ERBB4: variants seen among roughly 807,000 people sequenced by gnomAD.
The protein encoded by ERBB4 is erb-b2 receptor tyrosine kinase 4.
A neutral mutation model predicts 158.0 loss-of-function variants in ERBB4; 42 were observed. The ratio of observed to expected loss-of-function variants is 0.27; its 90% CI spans 0.21 to 0.34. The LOEUF is 0.34. ERBB4 is among the 10% of genes least tolerant of loss of function. ERBB4 has a pLI of 1.00. For synonymous variants in ERBB4, 583 were observed against 558.7 expected, an observed-to-expected ratio of 1.04 and a Z score of -0.61; for missense variants, 1,333 against 1,624.1, an observed-to-expected ratio of 0.82 and a Z score of 3.08.
At chr2:211,687,145 AG>A (rs59024871) in intron 12 of ERBB4, among the ~76,000 whole-genome samples, 58,519 of 147,926 alleles carry the variant, frequency 0.4, 13,043 homozygotes, top group East Asian at 0.89. Context: ...AAAAAAAAAA[AG>A]TACAAAAAGT....
chr2:212,061,382 G>C (rs970926625), intron 2 of ERBB4, among the ~76,000 whole-genome samples: 8 of 149,524 alleles, frequency 5.4e-5, no homozygotes, highest in African/African-American at 2.0e-4. Flanking sequence ...GAACCCAGGA[G>C]GGGGAGGTTG....
At chr2:211,730,471 A>G (rs2074393019) in intron 5 of ERBB4, among the ~76,000 whole-genome samples, 1 of 151,564 alleles carries the variant, frequency 6.6e-6, no homozygotes, top group African/African-American at 2.4e-5. Context: ...CTCTTTCCCT[A>G]TCTCCTCTGT....
chr2:211,541,405 T>C (rs762369787), intron 20 of ERBB4, among the ~76,000 whole-genome samples: 1 of 152,016 alleles, frequency 6.6e-6, no homozygotes, highest in Non-Finnish European at 1.5e-5. Context: ...TTAATAGTAC[T>C]ATTTGTTTCA....
At chr2:212,146,841 C>A (rs1476087721) in intron 1 of ERBB4, among the ~76,000 whole-genome samples, 1 of 152,026 alleles carries the variant, frequency 6.6e-6, no homozygotes, top group Non-Finnish European at 1.5e-5. Context: ...TTTCTTCCCA[C>A]CCAGTTATCC....
At chr2:211,606,165 A>G (rs1289725575) in intron 19 of ERBB4, among the ~76,000 whole-genome samples, 1 of 152,118 alleles carries the variant, frequency 6.6e-6, no homozygotes, top group Non-Finnish European at 1.5e-5. Context: ...TTTCAGAAGC[A>G]GTGGAAAGAC....
intron 14 of ERBB4, among the ~76,000 whole-genome samples, chr2:211,668,296 C>T (rs535244630): frequency 6.6e-6 from 1 of 152,266 alleles, no homozygotes; most frequent in East Asian, 1.9e-4. Flanking sequence ...ATGTCCCAGG[C>T]TGACATAACT....
rs150090977 is a variant in ERBB4, at chr2:212,202,929, T to C, written c.83-78026A>G. Among the ~76,000 whole-genome samples, 1,075 of 151,828 alleles carry C rather than the reference T, an allele frequency of 7.1e-3. 9 individuals carry two copies. The highest frequency in any genetic ancestry group is 0.012 in the Non-Finnish European group (828 of 67,930). On this transcript the variant is annotated intron_variant, in intron 1 of 27. Transcript: ENST00000342788. ...ACATCGGCTAATTATATTAATAGTATTACATTAATAACAAAACCATAATAA... is the reference window on the plus strand; with the variant it reads ...ACATCGGCTAATTATATTAATAGTACTACATTAATAACAAAACCATAATAA...
intron 2 of ERBB4, among the ~76,000 whole-genome samples, chr2:211,985,516 C>T (rs1227344855): frequency 6.6e-6 from 1 of 151,982 alleles, no homozygotes; most frequent in African/African-American, 2.4e-5. Context: ...TAAAAGGGTT[C>T]ATAAGTGGCA....
intron 2 of ERBB4, among the ~76,000 whole-genome samples, chr2:211,980,677 A>G (rs1428523045): frequency 1.3e-5 from 2 of 152,144 alleles, no homozygotes; most frequent in Admixed American, 1.3e-4. Flanking sequence ...TAGATTCAGT[A>G]TTGTATATCT....
chr2:211,439,433 GT>G (rs1210871351), intron 20 of ERBB4, among the ~76,000 whole-genome samples: 2 of 152,142 alleles, frequency 1.3e-5, no homozygotes. Context: ...GGAAGGAAGT[GT>G]TTTCACTGGA....
At chr2:212,144,192 C>T (rs945156272) in intron 1 of ERBB4, among the ~76,000 whole-genome samples, 3 of 151,922 alleles carry the variant, frequency 2.0e-5, no homozygotes, top group African/African-American at 4.8e-5. Context: ...TTACTTTGAA[C>T]GTGAATTCTC....
rs1311884697 is a variant in ERBB4 at position 211,378,279 on chromosome 2, T to G, written c.*5336A>C. 4.3e-6 allele frequency: 1 copy of G among 232,706 alleles called. No individual in the cohort carries two copies. The highest frequency in any genetic ancestry group is 2.2e-5 in the African/African-American group (1 of 45,278). 14.4% of individuals were successfully genotyped at this position (232,706 alleles called of 1,614,324 possible). A position where few individuals can be genotyped will look rare whatever the true frequency, so the allele number is the denominator to read the frequency against. On this transcript the variant is annotated 3_prime_UTR_variant, in exon 28 of 28. Coordinates refer to ENST00000342788, the MANE Select transcript of ERBB4 (RefSeq NM_005235.3). ...AAGCATGTGAATACCCCCCGTGAAA[T>G]TGGGGCTTAGAGTCATTTTAGCTTG...
At chr2:212,177,286 T>C (rs930059696) in intron 1 of ERBB4, among the ~76,000 whole-genome samples, 3 of 151,838 alleles carry the variant, frequency 2.0e-5, no homozygotes, top group Admixed American at 6.6e-5. Flanking sequence ...ATTTGCAATA[T>C]TTTTTTCCAA....
At chr2:211,969,462 G>T (rs545400150) in intron 2 of ERBB4, among the ~76,000 whole-genome samples, 2 of 151,982 alleles carry the variant, frequency 1.3e-5, no homozygotes, top group African/African-American at 2.4e-5. Context: ...TTTCTTACAA[G>T]AATGGATTAG....
rs2125570300 is a variant in ERBB4 at position 212,124,746 on chromosome 2, C to T, written c.234+6G>A. On this transcript the variant is annotated splice_donor_region_variant and intron_variant, in intron 2 of 27. Transcript: ENST00000342788. Reference sequence around the variant, plus strand: ...ACAAAGAAGAGAAAGAAAGCCACAGCTTTACCCGCAGGAAGGAGAGGTCCC... The same window carrying T: ...ACAAAGAAGAGAAAGAAAGCCACAGTTTTACCCGCAGGAAGGAGAGGTCCC... The T allele has an allele frequency of 6.2e-7, 1 of 1,614,124 alleles. No homozygotes were observed. The highest frequency in any genetic ancestry group is 1.7e-5 in the Admixed American group (1 of 60,014).
chr2:212,034,930 T>C (rs2076979817), intron 2 of ERBB4, among the ~76,000 whole-genome samples: 1 of 152,186 alleles, frequency 6.6e-6, no homozygotes, highest in Admixed American at 6.6e-5. Context: ...TGTGGAAATT[T>C]TTAGGAAATG....
chr2:212,469,377 G>A (rs1254093828), intron 1 of ERBB4, among the ~76,000 whole-genome samples: 1 of 151,936 alleles, frequency 6.6e-6, no homozygotes, highest in East Asian at 1.9e-4. Flanking sequence ...AACTACTTAG[G>A]ACAAATTTAA....
At chr2:212,059,578 CT>C (rs2077695544) in intron 2 of ERBB4, among the ~76,000 whole-genome samples, 1 of 152,172 alleles carries the variant, frequency 6.6e-6, no homozygotes, top group Non-Finnish European at 1.5e-5. Flanking sequence ...CAGCATGGTA[CT>C]GGTACCAAAA....
At chr2:212,519,589 G>T (rs2128322) in intron 1 of ERBB4, among the ~76,000 whole-genome samples, 18,304 of 151,892 alleles carry the variant, frequency 0.12, 1,194 homozygotes, top group African/African-American at 0.18. Context: ...ACCTAATGTA[G>T]ATGACTATTC....
Sources: allele counts gnomAD v4.1 joint callset (sites outside exome capture counted in the v4.1 genomes callset), GRCh38; gene constraint gnomAD v4.1.1; transcripts MANE v1.5; gene names NCBI Gene and HGNC (gene_info 2026-07-23, HGNC 2026-07-21).